Variants in LRRC4C observed in about 807,000 individuals in gnomAD.
LRRC4C encodes leucine-rich repeat-containing protein 4C.
Under a neutral mutation model 33.6 loss-of-function variants are expected in LRRC4C, and 5 were observed. The observed-to-expected ratio is 0.15, with a 90% confidence interval of 0.08 to 0.31. The LOEUF is 0.31. Among genes scored for constraint, LRRC4C ranks in the 10% least tolerant of loss-of-function variants. The probability of loss-of-function intolerance (pLI) is 1.00; values close to 1 mark genes in which losing one functional copy is unlikely to be tolerated. For missense variants in LRRC4C, 560 were observed against 796.7 expected (o/e 0.70, Z 3.58); for synonymous variants, 329 against 302.0 (o/e 1.09, Z -0.93).
chr11:40,598,327 A>G (rs190566113), intron 3 of LRRC4C, among the ~76,000 whole-genome samples: 8 of 152,316 alleles, frequency 5.3e-5, no homozygotes, highest in African/African-American at 1.7e-4. Context: ...TTCTGTTCCT[A>G]GAACAGAAAA....
intron 1 of LRRC4C, among the ~76,000 whole-genome samples, chr11:40,976,467 GT>G (rs1852090969): frequency 6.6e-6 from 1 of 152,204 alleles, no homozygotes; most frequent in African/African-American, 2.4e-5. Context: ...GTCACACAGT[GT>G]TTGTCACCAG....
At chr11:40,852,664 A>G (rs1953567385) in intron 2 of LRRC4C, among the ~76,000 whole-genome samples, 2 of 152,318 alleles carry the variant, frequency 1.3e-5, no homozygotes, top group East Asian at 3.9e-4. Flanking sequence ...AAAATAATTT[A>G]TCATAAAAAT....
chr11:40,230,898 G>T (rs1379620652), intron 5 of LRRC4C, among the ~76,000 whole-genome samples: 1 of 152,146 alleles, frequency 6.6e-6, no homozygotes, highest in Non-Finnish European at 1.5e-5. Context: ...TAAAGCAGCA[G>T]ATGCCCCTTA....
At chr11:41,323,781 G>T (rs1302746284) in intron 1 of LRRC4C, among the ~76,000 whole-genome samples, 3 of 152,044 alleles carry the variant, frequency 2.0e-5, no homozygotes, top group East Asian at 1.9e-4. Context: ...AAGAAGTCTG[G>T]CTCTCTGATT....
At chr11:40,199,759 C>T (rs951620966) in intron 5 of LRRC4C, among the ~76,000 whole-genome samples, 1 of 151,988 alleles carries the variant, frequency 6.6e-6, no homozygotes, top group Non-Finnish European at 1.5e-5. Context: ...CAACTAGTTT[C>T]CCTTCTGGGA....
intron 2 of LRRC4C, among the ~76,000 whole-genome samples, chr11:40,709,510 T>C (rs547231100): frequency 7.2e-4 from 109 of 152,290 alleles, no homozygotes; most frequent in Middle Eastern, 6.8e-3. Context: ...AATTCTTTTC[T>C]TTAAGAATGT....
chr11:40,628,301 C>A (rs890216959), intron 3 of LRRC4C, among the ~76,000 whole-genome samples: 1 of 152,038 alleles, frequency 6.6e-6, no homozygotes, highest in Non-Finnish European at 1.5e-5. Context: ...CACGGTGAAA[C>A]CCCGTCTCTA....
At chr11:40,336,114 C>G (rs930970851) in intron 3 of LRRC4C, among the ~76,000 whole-genome samples, 1 of 152,116 alleles carries the variant, frequency 6.6e-6, no homozygotes, top group African/African-American at 2.4e-5. Flanking sequence ...AGACACTGTC[C>G]TAGATGATGG....
At chr11:40,875,914 A>G (rs2135975680) in intron 2 of LRRC4C, among the ~76,000 whole-genome samples, 1 of 152,184 alleles carries the variant, frequency 6.6e-6, no homozygotes, top group East Asian at 1.9e-4. Context: ...CTGCAACTAG[A>G]CGGTCCCATC....
chr11:40,306,679 CTG>C (rs932853604), intron 4 of LRRC4C, among the ~76,000 whole-genome samples: 3 of 152,230 alleles, frequency 2.0e-5, no homozygotes, highest in Non-Finnish European at 4.4e-5. Context: ...AGTGCTTACT[CTG>C]TGTCAGGCAC....
chr11:41,438,030 C>T (rs1955490536), intron 1 of LRRC4C, among the ~76,000 whole-genome samples: 1 of 89,672 alleles, frequency 1.1e-5, no homozygotes, highest in African/African-American at 3.4e-5. Context: ...AAGAACAAAA[C>T]TCCATCTCAA....
At chr11:40,160,519 C>A (rs1859066835) in intron 5 of LRRC4C, among the ~76,000 whole-genome samples, 1 of 152,014 alleles carries the variant, frequency 6.6e-6, no homozygotes, top group African/African-American at 2.4e-5. Context: ...TATATAAGAT[C>A]CTGTACAAGA....
chr11:40,672,363 C>G (rs1271678442), intron 2 of LRRC4C, among the ~76,000 whole-genome samples: 2 of 152,154 alleles, frequency 1.3e-5, no homozygotes, highest in African/African-American at 4.8e-5. Context: ...ATACCATCAT[C>G]TTGGGAGTTA....
At chr11:40,577,655 G>A (rs925903220) in intron 3 of LRRC4C, among the ~76,000 whole-genome samples, 3 of 152,126 alleles carry the variant, frequency 2.0e-5, no homozygotes, top group East Asian at 1.9e-4. Context: ...CAGGGATACT[G>A]CTAAACATCC....
intron 1 of LRRC4C, among the ~76,000 whole-genome samples, chr11:41,454,604 C>T (rs763994946): frequency 2.0e-5 from 3 of 152,090 alleles, no homozygotes; most frequent in South Asian, 2.1e-4. Flanking sequence ...GAAAGATGCA[C>T]GTGACTATTG....
chr11:40,145,777 T>C (rs1289252989), intron 5 of LRRC4C, among the ~76,000 whole-genome samples: 1 of 152,192 alleles, frequency 6.6e-6, no homozygotes, highest in African/African-American at 2.4e-5. Flanking sequence ...AATTAACCAC[T>C]TTATTATTTT....
intron 3 of LRRC4C, among the ~76,000 whole-genome samples, chr11:40,605,450 C>T (rs1315997842): frequency 6.6e-6 from 1 of 151,996 alleles, no homozygotes; most frequent in East Asian, 1.9e-4. Context: ...TGTGAAAAAT[C>T]CAAAAACCAT....
At chr11:40,875,552 T>C (rs1954843918) in intron 2 of LRRC4C, among the ~76,000 whole-genome samples, 1 of 152,126 alleles carries the variant, frequency 6.6e-6, no homozygotes, top group Admixed American at 6.6e-5. Context: ...TTCCAAGATA[T>C]ATCATTAAAT....
intron 5 of LRRC4C, among the ~76,000 whole-genome samples, chr11:40,207,732 A>G (rs1426808307): frequency 6.6e-6 from 1 of 152,232 alleles, no homozygotes; most frequent in Non-Finnish European, 1.5e-5. Flanking sequence ...GTGTGTGGTC[A>G]TCTGTTCATC....
Sources: gnomAD v4.1 joint callset for allele counts (sites outside exome capture counted in the v4.1 genomes callset) on GRCh38, gnomAD v4.1.1 for gene constraint, MANE v1.5 for transcripts, NCBI Gene and HGNC (gene_info 2026-07-23, HGNC 2026-07-21) for gene names.